Variants in MACROD2 observed in about 807,000 individuals in gnomAD.
MACROD2 encodes mono-ADP ribosylhydrolase 2, also known as ADP-ribose glycohydrolase MACROD2.
In MACROD2, 36 loss-of-function variants were observed where a neutral mutation model predicts 70.4. The observed-to-expected ratio is 0.51, with a 90% CI of 0.39 to 0.68. The LOEUF (loss-of-function observed/expected upper bound fraction) is 0.68. Ranked by LOEUF, MACROD2 falls within the 30% of genes least tolerant of loss-of-function variation. The probability of loss-of-function intolerance (pLI) is 0.00; values close to 1 mark genes in which losing one functional copy is unlikely to be tolerated. For synonymous variants in MACROD2, 172 were observed against 178.8 expected (o/e 0.96, Z 0.30); for missense variants, 496 against 538.4 (o/e 0.92, Z 0.78).
intron 2 of MACROD2, among the ~76,000 whole-genome samples, chr20:14,074,541 A>G (rs2053892415): frequency 6.6e-6 from 1 of 152,210 alleles, no homozygotes; most frequent in Non-Finnish European, 1.5e-5. Context: ...AAGTTGGGTT[A>G]GAGACCTATG....
intron 8 of MACROD2, among the ~76,000 whole-genome samples, chr20:15,511,241 A>G (rs1465336): frequency 6.6e-6 from 1 of 152,104 alleles, no homozygotes; most frequent in Non-Finnish European, 1.5e-5. Context: ...AAAAATATTT[A>G]AATGATATCA....
At chr20:16,013,230 A>C (rs1420655375) in intron 15 of MACROD2, among the ~76,000 whole-genome samples, 2 of 152,170 alleles carry the variant, frequency 1.3e-5, no homozygotes, top group African/African-American at 4.8e-5. Flanking sequence ...CTAGGAAGAG[A>C]AGAGGGTGGC....
At chr20:14,234,269 A>G (rs2081848312) in intron 3 of MACROD2, among the ~76,000 whole-genome samples, 1 of 152,204 alleles carries the variant, frequency 6.6e-6, no homozygotes, top group African/African-American at 2.4e-5. Context: ...AAAAGTTAAA[A>G]AACCATGTAT....
chr20:14,190,728 T>TTTCC (rs765628902), intron 3 of MACROD2, among the ~76,000 whole-genome samples: 1 of 71,664 alleles, frequency 1.4e-5, no homozygotes, highest in African/African-American at 6.5e-5. Context: ...TTTTTTTTTT[T>TTTCC]CCAGAGTCTT....
intron 8 of MACROD2, among the ~76,000 whole-genome samples, chr20:15,816,736 G>T (rs959742586): frequency 6.6e-6 from 1 of 152,184 alleles, no homozygotes; most frequent in Non-Finnish European, 1.5e-5. Flanking sequence ...TCTGTACTAG[G>T]CATTACGATG....
At chr20:15,172,850 A>G (rs2076433079) in intron 5 of MACROD2, among the ~76,000 whole-genome samples, 1 of 152,238 alleles carries the variant, frequency 6.6e-6, no homozygotes. Flanking sequence ...TAATTGGGGA[A>G]GCATTACTGT....
intron 12 of MACROD2, among the ~76,000 whole-genome samples, chr20:15,964,464 T>G (rs1252998955): frequency 6.6e-6 from 1 of 152,132 alleles, no homozygotes; most frequent in Non-Finnish European, 1.5e-5. Flanking sequence ...ATCTCATTCA[T>G]GAAGCCTCCA....
chr20:14,866,132 A>G (rs1463140761), intron 5 of MACROD2, among the ~76,000 whole-genome samples: 1 of 152,186 alleles, frequency 6.6e-6, no homozygotes, highest in African/African-American at 2.4e-5. Flanking sequence ...AAGTGAATAT[A>G]GCAACTGTCT....
intron 3 of MACROD2, among the ~76,000 whole-genome samples, chr20:14,274,875 C>G (rs947510759): frequency 1.3e-5 from 2 of 150,734 alleles, no homozygotes; most frequent in African/African-American, 4.9e-5. Flanking sequence ...AGAGCCAAAT[C>G]ATGAGTGAAC....
chr20:15,264,079 C>T (rs143743457), intron 6 of MACROD2, among the ~76,000 whole-genome samples: 1 of 152,144 alleles, frequency 6.6e-6, no homozygotes, highest in East Asian at 1.9e-4. Flanking sequence ...GAATGACAAT[C>T]TTTGTGCTCA....
chr20:15,482,443 G>C (rs951396157), intron 7 of MACROD2, among the ~76,000 whole-genome samples: 1 of 152,068 alleles, frequency 6.6e-6, no homozygotes, highest in Non-Finnish European at 1.5e-5. Flanking sequence ...ACCAATTGTC[G>C]ATGAGGATGT....
At chr20:14,207,273 G>T (rs188554202) in intron 3 of MACROD2, among the ~76,000 whole-genome samples, 1,689 of 151,718 alleles carry the variant, frequency 0.011, 24 homozygotes, top group Non-Finnish European at 0.014. Flanking sequence ...AATTTTTGTG[G>T]TTTTTTTTAG....
intron 8 of MACROD2, among the ~76,000 whole-genome samples, chr20:15,728,723 T>C (rs2050900617): frequency 6.6e-6 from 1 of 152,168 alleles, no homozygotes; most frequent in African/African-American, 2.4e-5. Flanking sequence ...TTTTTTCTAT[T>C]TCTGTGTGGT....
At chr20:14,574,260 C>T (rs1021104530) in intron 4 of MACROD2, among the ~76,000 whole-genome samples, 2 of 152,100 alleles carry the variant, frequency 1.3e-5, no homozygotes, top group African/African-American at 2.4e-5. Context: ...GCCTGGACTT[C>T]CACTTGAATT....
At chr20:15,070,528 T>C (rs1269908098) in intron 5 of MACROD2, among the ~76,000 whole-genome samples, 1 of 152,116 alleles carries the variant, frequency 6.6e-6, no homozygotes, top group African/African-American at 2.4e-5. Flanking sequence ...GGGGAGTGTT[T>C]AGCTCTTAGG....
chr20:14,270,728 T>C (rs529616859), intron 3 of MACROD2, among the ~76,000 whole-genome samples: 1 of 152,282 alleles, frequency 6.6e-6, no homozygotes, highest in Admixed American at 6.5e-5. Flanking sequence ...AGAGCCAAGA[T>C]GGCCGAATAG....
At chr20:15,143,019 A>G (rs1342987748) in intron 5 of MACROD2, among the ~76,000 whole-genome samples, 4 of 151,918 alleles carry the variant, frequency 2.6e-5, no homozygotes, top group Admixed American at 2.0e-4. Context: ...TCCTTTGGGT[A>G]TATACCCAGT....
At chr20:15,652,759 C>G (rs1425313070) in intron 8 of MACROD2, among the ~76,000 whole-genome samples, 1 of 151,258 alleles carries the variant, frequency 6.6e-6, no homozygotes, top group Non-Finnish European at 1.5e-5. Context: ...TTGAGTAATT[C>G]ATCTACTCCC....
chr20:15,418,472 C>A (rs2046184996), intron 6 of MACROD2, among the ~76,000 whole-genome samples: 1 of 152,204 alleles, frequency 6.6e-6, no homozygotes, highest in Admixed American at 6.5e-5. Flanking sequence ...TCTTTGGAAC[C>A]TCACCACTGG....
Sources: allele counts gnomAD v4.1 joint callset (sites outside exome capture counted in the v4.1 genomes callset), GRCh38; gene constraint gnomAD v4.1.1; transcripts MANE v1.5; gene names NCBI Gene and HGNC (gene_info 2026-07-23, HGNC 2026-07-21).